Variants in ABCA1 observed in about 807,000 individuals in gnomAD.
ABCA1 encodes phospholipid-transporting ATPase ABCA1.
A neutral mutation model predicts 262.5 loss-of-function variants in ABCA1; 133 were observed. The ratio of observed to expected loss-of-function variants is 0.51; its 90% confidence interval spans 0.44 to 0.59. The LOEUF is 0.59. ABCA1 is among the 20% of genes least tolerant of loss of function. The pLI is 0.00. For missense variants in ABCA1, 2,452 were observed against 2,777.5 expected, an observed-to-expected ratio of 0.88 and a Z score of 2.63; for synonymous variants, 1,022 against 1,043.5, an observed-to-expected ratio of 0.98 and a Z score of 0.40.
At chr9:104,912,428 T>C (rs986507314) in intron 1 of ABCA1, among the ~76,000 whole-genome samples, 4 of 152,052 alleles carry the variant, frequency 2.6e-5, no homozygotes, top group African/African-American at 9.7e-5. Context: ...AATAAGGAGA[T>C]CCTAAAGGTT....
rs147957387 is a variant in ABCA1 at position 104,796,416 on chromosome 9, G to A, written c.5130C>T (p.Tyr1710=). The A allele has an allele frequency of 1.5e-5, 25 of 1,613,386 alleles. No homozygotes were observed. The African/African-American group carries it at 2.7e-4, about 17-fold the overall frequency. The change falls in exon 38 of 50, where the codon TAC becomes TAT. Residue 1710 remains tyrosine, a synonymous_variant. Transcript: ENST00000374736. ...LSNFVWDMCN[Y]VVPATLVIII... is the part of the protein sequence containing the mutation. ...TAATGACCAGTGTGGCAGGGACAAC[G>A]TAATTGCACTAAAAGTGAAAACAAA...
At chr9:104,874,336 CATGGTCAGGAGTTCAAAG>C (rs1474130218) in intron 5 of ABCA1, among the ~76,000 whole-genome samples, 2 of 152,126 alleles carry the variant, frequency 1.3e-5, no homozygotes, top group South Asian at 2.1e-4. Context: ...ACATGGCAAA[CATGGTCAGGAGTTCAAAG>C]ATGGTCAGGA....
At chr9:104,868,977 G>A (rs1489997465) in intron 5 of ABCA1, among the ~76,000 whole-genome samples, 2 of 152,078 alleles carry the variant, frequency 1.3e-5, no homozygotes, top group Admixed American at 6.5e-5. Flanking sequence ...GACAAGGAAG[G>A]TGGGAGGAGG....
At chr9:104,855,418 C>G (rs1835753882) in intron 7 of ABCA1, 1 of 258,950 alleles carries the variant, frequency 3.9e-6, no homozygotes, top group Admixed American at 5.3e-5. Context: ...CCAGGCTGGT[C>G]TTGAACTCCT....
At chr9:104,914,892 G>C (rs1360630758) in intron 1 of ABCA1, among the ~76,000 whole-genome samples, 1 of 152,150 alleles carries the variant, frequency 6.6e-6, no homozygotes. Flanking sequence ...AATTTGTAGG[G>C]AAGCACATTC....
intron 32 of ABCA1, 34 bp from the exon 33 acceptor site, chr9:104,803,350 AG>A (rs775947703): frequency 5.3e-5 from 85 of 1,607,690 alleles, no homozygotes; most frequent in Non-Finnish European, 6.7e-5. Flanking sequence ...ATCAGTTCAA[AG>A]AAAGCACTGA....
chr9:104,856,782 G>A (rs2253304), intron 7 of ABCA1, among the ~76,000 whole-genome samples: 64,698 of 152,064 alleles, frequency 0.43, 17,113 homozygotes, highest in African/African-American at 0.76. Flanking sequence ...AATCATTCCA[G>A]CTGAAAGGGT....
At chr9:104,927,354 A>T (rs1037063863) in intron 1 of ABCA1, among the ~76,000 whole-genome samples, 6 of 152,104 alleles carry the variant, frequency 3.9e-5, no homozygotes, top group Non-Finnish European at 8.8e-5. Flanking sequence ...AGTGAGCAAT[A>T]GCACCACGGA....
rs751118009 is a variant in ABCA1 at position 104,806,395 on chromosome 9, G to A, written c.4310C>T (p.Thr1437Ile). The A allele has an allele frequency of 6.2e-6, 10 of 1,614,046 alleles. No individual in the cohort carries two copies. Among genetic ancestry groups the A allele is most frequent in the Non-Finnish European group, 8.5e-6 (10 of 1,180,052 alleles). ...TPCQAGEEEW[T>I]TAPVPQTIMD... ...GATGGTCTGGGGAACTGGGGCAGTGGTCCACTCTTCCTCCCCTGCCTGGCA... is the reference window on the plus strand; with the variant it reads ...GATGGTCTGGGGAACTGGGGCAGTGATCCACTCTTCCTCCCCTGCCTGGCA... Residue 1437 changes from threonine to isoleucine, a missense_variant, in exon 31 of 50, where the codon ACC becomes ATC. By Grantham distance (89) the Thr-to-Ile change is moderately conservative (BLOSUM62 -1). Transcript: ENST00000374736.
intron 44 of ABCA1, among the ~76,000 whole-genome samples, chr9:104,789,921 C>G (rs1829268335): frequency 6.6e-6 from 1 of 152,094 alleles, no homozygotes; most frequent in Non-Finnish European, 1.5e-5. Context: ...TGGTGAAACC[C>G]CATCTCTACT....
chr9:104,794,931 C>T (rs1309537208), intron 39 of ABCA1, among the ~76,000 whole-genome samples: 1 of 152,168 alleles, frequency 6.6e-6, no homozygotes, highest in Non-Finnish European at 1.5e-5. Flanking sequence ...TCCCACAAGG[C>T]AACAGTGGCC....
In ABCA1 at chr9:104,809,569, G is replaced by C. The variant is rs758941836; in HGVS notation, c.4176-5C>G. On this transcript the variant is annotated splice_region_variant and splice_polypyrimidine_tract_variant and intron_variant, in intron 29 of 49. Coordinates refer to ENST00000374736, the MANE Select transcript of ABCA1 (RefSeq NM_005502.4). The stretch of plus-strand genomic sequence containing the variant: ...GTGTCCTCAGGAGCATCATTGCTGT[G>C]GGTACATGAGAGGCAGCCAGCTTAG... The C allele has an allele frequency of 6.2e-7, 1 of 1,613,340 alleles. No homozygotes were observed. The highest frequency in any genetic ancestry group is 8.5e-7 in the Non-Finnish European group (1 of 1,179,310).
chr9:104,820,298 C>T (rs992211894), intron 20 of ABCA1, among the ~76,000 whole-genome samples: 2 of 152,210 alleles, frequency 1.3e-5, no homozygotes, highest in Non-Finnish European at 2.9e-5. Flanking sequence ...CGCTTCCAAC[C>T]TGTTTCCAGC....
rs2487059 is a variant in ABCA1 at position 104,861,469 on chromosome 9, T to G, written c.543+210A>C. ...AGAAATCAATTTTATTTTAACCAGC[T>G]GGCCCATGACGCCAGGTTGCATATT... On this transcript the variant is annotated intron_variant, in intron 6 of 49. Transcript: ENST00000374736. The G allele has an allele frequency of 0.29, 183,380 of 634,018 alleles. 28,092 individuals are homozygous for G. The highest frequency in any genetic ancestry group is 0.47 in the East Asian group (17,847 of 37,804). 39.3% of individuals were successfully genotyped at this position (634,018 alleles called of 1,614,324 possible). A position where few individuals can be genotyped will look rare whatever the true frequency, so the allele number is the denominator to read the frequency against.
chr9:104,814,363 G>C, intron 26 of ABCA1, 64 bp downstream of exon 26: 2 of 1,576,954 alleles, frequency 1.3e-6, no homozygotes, highest in Non-Finnish European at 1.7e-6. Context: ...AACAATACTC[G>C]TGCACTGAGA....
chr9:104,896,003 A>G (rs913921685), intron 2 of ABCA1, among the ~76,000 whole-genome samples: 4 of 152,214 alleles, frequency 2.6e-5, no homozygotes, highest in Non-Finnish European at 5.9e-5. Context: ...CTTAGTATTG[A>G]GAGATTCTTG....
chr9:104,796,987 C>T (rs1427669924), intron 37 of ABCA1, among the ~76,000 whole-genome samples: 1 of 152,212 alleles, frequency 6.6e-6, no homozygotes, highest in African/African-American at 2.4e-5. Flanking sequence ...CAGAGCAAAG[C>T]ACCAGCAGGG....
In ABCA1 at chr9:104,845,532, T is replaced by A; in HGVS notation, c.758A>T (p.Glu253Val). 1 of 1,614,082 alleles carries A rather than the reference T, an allele frequency of 6.2e-7. No individual in the cohort carries two copies. Among genetic ancestry groups the A allele is most frequent in the South Asian group, 1.1e-5 (1 of 91,066 alleles). ...CAATGTTTTTGTGGCTTCAGCCAGC[T>A]CCTTGCTCGGGAAGGGAGATGTAGA... ...LNSTSPFPSKELAEATKTLLH... is the reference protein window; with the variant it reads ...LNSTSPFPSKVLAEATKTLLH... Residue 253 changes from glutamate (E) to valine (V), a missense_variant, in exon 8 of 50, where the codon GAG becomes GTG. Transcript: ENST00000374736.
intron 2 of ABCA1, among the ~76,000 whole-genome samples, chr9:104,899,683 G>A (rs1288263926): frequency 6.6e-6 from 1 of 151,240 alleles, no homozygotes; most frequent in African/African-American, 2.4e-5. Flanking sequence ...AATAGAGTGA[G>A]ACTCAGTTTA....
Sources: allele counts gnomAD v4.1 joint callset (sites outside exome capture counted in the v4.1 genomes callset), GRCh38; gene constraint gnomAD v4.1.1; transcripts MANE v1.5; gene names NCBI Gene and HGNC (gene_info 2026-07-23, HGNC 2026-07-21).